The following TTYH2 variants were observed in gnomAD, a reference collection of about 807,000 sequenced individuals.
The protein encoded by TTYH2 is protein tweety homolog 2.
A neutral mutation model predicts 68.3 loss-of-function variants in TTYH2; 49 were observed. The ratio of observed to expected loss-of-function variants is 0.72; its 90% confidence interval spans 0.57 to 0.91. The LOEUF (loss-of-function observed/expected upper bound fraction) is 0.91, where lower values mean the gene tolerates loss of function less well. Ranked by LOEUF, TTYH2 falls within the 40% of genes least tolerant of loss-of-function variation. The probability of loss-of-function intolerance (pLI) is 0.00; values close to 1 mark genes in which losing one functional copy is unlikely to be tolerated. For synonymous variants in TTYH2, 272 were observed against 300.8 expected, an observed-to-expected ratio of 0.90 and a Z score of 0.99; for missense variants, 631 against 700.4, an observed-to-expected ratio of 0.90 and a Z score of 1.12.
intron 10 of TTYH2, among the ~76,000 whole-genome samples, chr17:74,250,934 T>A (rs868597685): frequency 6.2e-4 from 88 of 142,390 alleles, no homozygotes; most frequent in African/African-American, 2.3e-3. Context: ...ATCCAGTATG[T>A]CATTCAGTTC....
At position 74,241,422 on chromosome 17, in the gene TTYH2, G is replaced by A. The variant is rs141267747; in HGVS notation, c.636-1952G>A. On this transcript the variant is annotated intron_variant, in intron 4 of 13. Coordinates refer to ENST00000269346, the MANE Select transcript of TTYH2 (RefSeq NM_032646.6). This position sits in a 1 kb window ranked among gnomAD's most constrained non-coding sequence, Gnocchi z 4.1. Reference sequence around the variant, plus strand: ...GCTCTGCCCACTCCCCAAAGCCCCCGGCTCCATTCCGGGGAACCCCAGAGA... The same window carrying A: ...GCTCTGCCCACTCCCCAAAGCCCCCAGCTCCATTCCGGGGAACCCCAGAGA... 9.8e-4 allele frequency among the ~76,000 whole-genome samples: 149 copies of A among 152,230 alleles called. 1 individual carries two copies. The East Asian group carries it at 0.013, about 14-fold the overall frequency.
chr17:74,223,711 C>T (rs1209792278), intron 2 of TTYH2, among the ~76,000 whole-genome samples: 7 of 152,154 alleles, frequency 4.6e-5, no homozygotes, highest in Admixed American at 2.6e-4. Context: ...CACGCAGAGA[C>T]GCTTCTGGGG....
At chr17:74,220,815 C>G (rs2050268577) in intron 1 of TTYH2, among the ~76,000 whole-genome samples, 1 of 151,626 alleles carries the variant, frequency 6.6e-6, no homozygotes, top group African/African-American at 2.4e-5. Flanking sequence ...TAGAAGGGAT[C>G]TCCCTCTGTC....
At chr17:74,248,540 G>A in intron 6 of TTYH2, 1 of 998,038 alleles carries the variant, frequency 1.0e-6, no homozygotes. Flanking sequence ...AGGCTTCATA[G>A]ATTGAACACC....
At chr17:74,252,965 G>T (rs921972302) in intron 11 of TTYH2, 116 bp from the exon 12 acceptor site, 5 of 1,090,432 alleles carry the variant, frequency 4.6e-6, no homozygotes, top group East Asian at 4.8e-5. Context: ...GAGTCTCAAG[G>T]AGACACGCGT....
chr17:74,249,494 CCTTG>C, intron 8 of TTYH2, 95 bp downstream of exon 8: 1 of 1,338,702 alleles, frequency 7.5e-7, no homozygotes, highest in Non-Finnish European at 1.1e-6. Flanking sequence ...GGTGGCAGGG[CCTTG>C]CTTGCCTCAC....
intron 3 of TTYH2, among the ~76,000 whole-genome samples, chr17:74,235,367 C>T (rs2050432267): frequency 6.6e-6 from 1 of 152,234 alleles, no homozygotes; most frequent in South Asian, 2.1e-4. Flanking sequence ...TTAGTGCACA[C>T]TGCCCCACTC....
intron 13 of TTYH2, among the ~76,000 whole-genome samples, chr17:74,254,460 G>A (rs957151559): frequency 6.6e-6 from 1 of 152,120 alleles, no homozygotes; most frequent in Admixed American, 6.6e-5. Flanking sequence ...GAGCCACCGC[G>A]CCCGGCCAGC....
chr17:74,221,479 C>A (rs1359048938), intron 1 of TTYH2, among the ~76,000 whole-genome samples: 6 of 152,222 alleles, frequency 3.9e-5, no homozygotes, highest in African/African-American at 1.4e-4. Flanking sequence ...CTTTCCCCAG[C>A]AGCACCCCCA....
At chr17:74,221,355 ATC>A (rs1417827362) in intron 1 of TTYH2, among the ~76,000 whole-genome samples, 1 of 152,080 alleles carries the variant, frequency 6.6e-6, no homozygotes, top group Admixed American at 6.5e-5. Flanking sequence ...TGTCAGGTCT[ATC>A]TCTGTGTGTG....
In TTYH2 at chr17:74,253,751, G is replaced by T. The variant is rs756927764; in HGVS notation, c.1446-4G>T. ...CCTCCTGAGCTCTCCTCTCATCCCCGCAGGAACCAAGCCATGCTCTTTGGT... is the reference window on the plus strand; with the variant it reads ...CCTCCTGAGCTCTCCTCTCATCCCCTCAGGAACCAAGCCATGCTCTTTGGT... On this transcript the variant is annotated splice_polypyrimidine_tract_variant and splice_region_variant and intron_variant, in intron 12 of 13. Coordinates refer to ENST00000269346, the MANE Select transcript of TTYH2 (RefSeq NM_032646.6). The T allele has an allele frequency of 8.1e-6, 13 of 1,613,682 alleles. No homozygotes were observed. The East Asian group carries it at 2.7e-4, about 33-fold the overall frequency.
At chr17:74,229,266 C>T (rs1033977687) in intron 2 of TTYH2, among the ~76,000 whole-genome samples, 11 of 152,038 alleles carry the variant, frequency 7.2e-5, no homozygotes, top group African/African-American at 1.7e-4. Flanking sequence ...ATTCCCAGGC[C>T]CACCTGTGTC....
At chr17:74,218,724 A>C (rs11658026) in intron 1 of TTYH2, among the ~76,000 whole-genome samples, 11,518 of 152,154 alleles carry the variant, frequency 0.076, 1,073 homozygotes, top group African/African-American at 0.22. Flanking sequence ...ACGGGGGAGC[A>C]GGCTACATCA....
chr17:74,224,316 G>A (rs1327024130), intron 2 of TTYH2, among the ~76,000 whole-genome samples: 1 of 152,162 alleles, frequency 6.6e-6, no homozygotes, highest in Non-Finnish European at 1.5e-5. Flanking sequence ...GAGCCCAGGA[G>A]GCAGAGGCTA....
chr17:74,259,049 A>G lies in TTYH2; in HGVS notation c.1525-1080A>G, dbSNP rs568522362. On this transcript the variant is annotated intron_variant, in intron 13 of 13. Coordinates refer to ENST00000269346, the MANE Select transcript of TTYH2 (RefSeq NM_032646.6). ...CAGGTAGCCTGTGTGCAGGGTATAGAGTGAAAGGCCCTCTCCACTGCCAAG... is the reference window on the plus strand; with the variant it reads ...CAGGTAGCCTGTGTGCAGGGTATAGGGTGAAAGGCCCTCTCCACTGCCAAG... Among the ~76,000 whole-genome samples, 4 of 152,100 alleles carry G rather than the reference A, an allele frequency of 2.6e-5. No homozygotes were observed. The East Asian group carries it at 7.8e-4, about 30-fold the overall frequency.
chr17:74,218,929 G>A (rs2050247755), intron 1 of TTYH2, among the ~76,000 whole-genome samples: 1 of 152,156 alleles, frequency 6.6e-6, no homozygotes, highest in South Asian at 2.1e-4. Context: ...TTACATTTTT[G>A]TGTTATTAGG....
rs774920390 is a variant in TTYH2, at chr17:74,260,640, TCTGTCCTCGTTCC to T, written c.*448_*460del. 1.0e-3 allele frequency: 226 copies of T among 217,018 alleles called. No individual in the cohort carries two copies. The highest frequency in any genetic ancestry group is 1.5e-3 in the African/African-American group (66 of 45,028). The allele number at this position is 217,018 out of a possible 1,614,324, so 13.4% of individuals were successfully genotyped here. On this transcript the variant is annotated 3_prime_UTR_variant, in exon 14 of 14. Transcript: ENST00000269346. ...CCCAGCCAAGAGCCCAGACGACCCC[TCTGTCCTCGTTCC>T]CTGTCCTCGTTCCCTGCAGGTAACA...
At chr17:74,220,646 C>T (rs891250317) in intron 1 of TTYH2, among the ~76,000 whole-genome samples, 3 of 152,204 alleles carry the variant, frequency 2.0e-5, no homozygotes, top group African/African-American at 7.2e-5. Context: ...TATCCCTGGG[C>T]TTGCTGGGGT....
chr17:74,248,936 C>T (rs972192022), intron 6 of TTYH2, 75 bp from the exon 7 acceptor site: 23 of 1,604,856 alleles, frequency 1.4e-5, no homozygotes, highest in Non-Finnish European at 1.9e-5. Context: ...GGGTGATGGG[C>T]TCCCGGCTCC....
Sources: allele counts gnomAD v4.1 joint callset (sites outside exome capture counted in the v4.1 genomes callset), GRCh38; gene constraint gnomAD v4.1.1; non-coding constraint Gnocchi (gnomAD v3.1); transcripts MANE v1.5; gene names NCBI Gene and HGNC (gene_info 2026-07-23, HGNC 2026-07-21).